The following WDR90 variants were observed in gnomAD, a reference collection of about 807,000 sequenced individuals.
WDR90 encodes the protein WD repeat-containing protein 90.
In WDR90, 238 loss-of-function variants were observed where a neutral mutation model predicts 195.2. The observed-to-expected ratio is 1.22, with a 90% CI of 1.10 to 1.36. The LOEUF is 1.36. Among genes scored for constraint, WDR90 ranks in the 40% most tolerant of loss-of-function variants. The probability of loss-of-function intolerance (pLI) is 0.00; values close to 1 mark genes in which losing one functional copy is unlikely to be tolerated. For missense variants in WDR90, 2,734 were observed against 2,439.5 expected, an observed-to-expected ratio of 1.12 and a Z score of -2.54; for synonymous variants, 1,265 against 1,052.4, an observed-to-expected ratio of 1.20 and a Z score of -3.91.
At chr16:658,135 G>A (rs370228432) in intron 21 of WDR90, 48 bp from the exon 22 acceptor site, 27 of 1,573,238 alleles carry the variant, frequency 1.7e-5, no homozygotes, top group Middle Eastern at 3.4e-4. Flanking sequence ...GGGTGGCACC[G>A]GCTCTGCCCA....
In WDR90 at chr16:659,316, C is replaced by T. The variant is rs772984645; in HGVS notation, c.3124C>T (p.Pro1042Ser). 1 of 1,599,900 alleles carries T rather than the reference C, an allele frequency of 6.3e-7. No homozygotes were observed. The highest frequency in any genetic ancestry group is 1.7e-5 in the Admixed American group (1 of 57,760). ...SELPRQQVPK[P>S]CQASPPRLGV... ...GCTCCCCCGGCAGCAGGTCCCCAAGCCATGTCAGGCATCTCCACCACGGCT... is the reference window on the plus strand; with the variant it reads ...GCTCCCCCGGCAGCAGGTCCCCAAGTCATGTCAGGCATCTCCACCACGGCT... Residue 1042 changes from proline to serine, a missense_variant, in exon 26 of 41, where the codon CCA becomes TCA. Pro to Ser is a moderately conservative substitution (Grantham distance 74). Transcript: ENST00000293879.
At chr16:659,999 G>A (rs1285159374) in intron 26 of WDR90, 59 bp from the exon 27 acceptor site, 10 of 1,274,276 alleles carry the variant, frequency 7.8e-6, no homozygotes, top group Non-Finnish European at 9.8e-6. Context: ...CGTGTAGTGT[G>A]GGGTCTCTGA....
At position 667,168 on chromosome 16, in the gene WDR90, A is replaced by G. The variant is rs561761056; in HGVS notation, c.5089+179A>G. Among the ~76,000 whole-genome samples the G allele has an allele frequency of 1.2e-4, 18 of 152,242 alleles. No individual in the cohort carries two copies. The Middle Eastern group carries it at 0.01, about 86-fold the overall frequency. On this transcript the variant is annotated intron_variant, in intron 40 of 40. Coordinates refer to ENST00000293879, the MANE Select transcript of WDR90 (RefSeq NM_145294.5). The stretch of plus-strand genomic sequence containing the variant: ...CAGGAGATGATGAGGCAGGTGAGGA[A>G]CCAGGCACAGCGCCCAGCACAGGGC...
At chr16:653,050 G>A (rs1364085460) in intron 10 of WDR90, among the ~76,000 whole-genome samples, 1 of 152,244 alleles carries the variant, frequency 6.6e-6, no homozygotes, top group Non-Finnish European at 1.5e-5. Flanking sequence ...CCACCCCGGA[G>A]TTTCTTGCAC....
At position 657,237 on chromosome 16, in the gene WDR90, G is replaced by A. The variant is rs1331250712; in HGVS notation, c.2473+16G>A. 6.5e-7 allele frequency: 1 copy of A among 1,534,594 alleles called. No individual in the cohort carries two copies. The highest frequency in any genetic ancestry group is 8.8e-7 in the Non-Finnish European group (1 of 1,138,152). On this transcript the variant is annotated intron_variant, in intron 20 of 40. Coordinates refer to ENST00000293879, the MANE Select transcript of WDR90 (RefSeq NM_145294.5). ...CGAGTGGCAGGTTGGGCCCCCTGCA[G>A]CCACTCTGGGGGACTCCTCAGGGCG...
rs1249473988 is a variant in WDR90 at position 656,384 on chromosome 16, C to G, written c.2049C>G (p.Gly683=). The part of the protein sequence containing the change: ...VLSATSSGHL[G]FLDTLSRVYH... The stretch of plus-strand genomic sequence containing the variant: ...CTGCCACCTCCTCGGGCCACCTGGG[C>G]TTCCTGGACACGCTGTCCCGGGTGT... The change falls in exon 18 of 41, where the codon GGC becomes GGG. Residue 683 remains glycine (G), a synonymous_variant. Coordinates refer to ENST00000293879, the MANE Select transcript of WDR90 (RefSeq NM_145294.5). 1.2e-6 allele frequency: 2 copies of G among 1,609,028 alleles called. No individual in the cohort carries two copies. The highest frequency in any genetic ancestry group is 1.3e-5 in the African/African-American group (1 of 74,856).
chr16:661,631 C>G lies in WDR90; in HGVS notation c.3708C>G (p.Gly1236=). ...ATGGCCGCACCCTCGCCCTGTGGGG[C>G]ACGGCCACCTATGACCTCGTGTCCT... is the stretch of plus-strand genomic sequence containing the variant. The part of the protein sequence containing the change: ...DHDGRTLALW[G]TATYDLVSST... The change falls in exon 31 of 41, where the codon GGC becomes GGG. Residue 1236 remains glycine (G), a synonymous_variant. Coordinates refer to ENST00000293879, the MANE Select transcript of WDR90 (RefSeq NM_145294.5). 1.2e-6 allele frequency: 2 copies of G among 1,603,388 alleles called. No homozygotes were observed. Among genetic ancestry groups the G allele is most frequent in the South Asian group, 2.2e-5 (2 of 89,946 alleles).
Position 661,805 on chromosome 16 carries a change from T to A in WDR90, c.3864+18T>A. 6.3e-7 allele frequency: 1 copy of A among 1,590,054 alleles called. No individual in the cohort carries two copies. The highest frequency in any genetic ancestry group is 8.6e-7 in the Non-Finnish European group (1 of 1,165,422). On this transcript the variant is annotated intron_variant, in intron 31 of 40. Transcript: ENST00000293879. Reference sequence around the variant, plus strand: ...GCCTTCAGGTGCCACCCGTTCAGCGTTTGGGCCCAGGGGTTGTTTTGTGGG... The same window carrying A: ...GCCTTCAGGTGCCACCCGTTCAGCGATTGGGCCCAGGGGTTGTTTTGTGGG...
Position 656,415 on chromosome 16 carries a change from A to T in WDR90, c.2080A>T (p.Met694Leu). 1 of 1,606,668 alleles carries T rather than the reference A, an allele frequency of 6.2e-7. No homozygotes were observed. Among genetic ancestry groups the T allele is most frequent in the African/African-American group, 1.3e-5 (1 of 74,894 alleles). Residue 694 changes from methionine (M) to leucine (L), a missense_variant, in exon 18 of 41, where the codon ATG becomes TTG. Transcript: ENST00000293879. ...GGACACGCTGTCCCGGGTGTACCAC[A>T]TGCTGGCTCGCTCCCACACCGCCCC... ...FLDTLSRVYHMLARSHTAPVL... is the reference protein window; with the variant it reads ...FLDTLSRVYHLLARSHTAPVL...
intron 30 of WDR90, 31 bp downstream of exon 30, chr16:661,532 C>A: frequency 1.3e-6 from 2 of 1,552,544 alleles, no homozygotes; most frequent in Non-Finnish European, 8.6e-7. Flanking sequence ...AGGCCAGGGG[C>A]TTCCCTAGAC....
In WDR90 at chr16:655,639, C is replaced by T; in HGVS notation, c.1785C>T (p.Ala595=). The T allele has an allele frequency of 6.2e-7, 1 of 1,607,542 alleles. No individual in the cohort carries two copies. Among genetic ancestry groups the T allele is most frequent in the Non-Finnish European group, 8.5e-7 (1 of 1,177,234 alleles). ...GTCAGCGCATGGTCGTGCGGCATGC[C>T]CGCCGCCTGCTCCCCACACGGACTC... The part of the protein sequence containing the change: ...IDCQRMVVRH[A]RRLLPTRTPG... The change falls in exon 16 of 41, where the codon GCC becomes GCT. Residue 595 remains alanine (A), a synonymous_variant. Coordinates refer to ENST00000293879, the MANE Select transcript of WDR90 (RefSeq NM_145294.5).
At position 667,581 on chromosome 16, in the gene WDR90, G is replaced by T. The variant is rs368843131; in HGVS notation, c.5239G>T (p.Gly1747Cys). 3.1e-6 allele frequency: 5 copies of T among 1,608,216 alleles called. No individual in the cohort carries two copies. Among genetic ancestry groups the T allele is most frequent in the East Asian group, 4.5e-5 (2 of 44,888 alleles). Residue 1747 changes from glycine (G) to cysteine (C), a missense_variant, in exon 41 of 41, where the codon GGC (glycine) becomes TGC (cysteine). Coordinates refer to ENST00000293879, the MANE Select transcript of WDR90 (RefSeq NM_145294.5). ...CGAGATCCTTGTGTGGGAGGTCCCCGGCCTCTGAGATGCAGCAGGGACTGT... is the reference window on the plus strand; with the variant it reads ...CGAGATCCTTGTGTGGGAGGTCCCCTGCCTCTGAGATGCAGCAGGGACTGT... ...RNEILVWEVP[G>C]L
rs1346648070 is a variant in WDR90 at position 662,759 on chromosome 16, T to G, written c.4226T>G (p.Val1409Gly). 6.2e-7 allele frequency: 1 copy of G among 1,606,994 alleles called. No individual in the cohort carries two copies. Among genetic ancestry groups the G allele is most frequent in the Admixed American group, 1.7e-5 (1 of 59,790 alleles). ...ASFDDSVDMGVVGTTAGTLWF... is the reference protein window; with the variant it reads ...ASFDDSVDMGGVGTTAGTLWF... The stretch of plus-strand genomic sequence containing the variant: ...TTCGATGACAGCGTGGACATGGGCG[T>G]CGTGGGCACCACGGCGGGCACGCTG... The change falls in exon 34 of 41, where the codon GTC (valine) becomes GGC (glycine). Residue 1409 changes from valine (V) to glycine (G), a missense_variant. Coordinates refer to ENST00000293879, the MANE Select transcript of WDR90 (RefSeq NM_145294.5).
chr16:658,011 G>T (rs916189752), intron 21 of WDR90, 119 bp downstream of exon 21: 2 of 1,453,316 alleles, frequency 1.4e-6, no homozygotes, highest in African/African-American at 1.4e-5. Context: ...GCCTCCTGTC[G>T]CAGAGTACAC....
At chr16:657,273 G>T in intron 20 of WDR90, 52 bp downstream of exon 20, 1 of 1,487,600 alleles carries the variant, frequency 6.7e-7, no homozygotes. Context: ...GGGGAGGCCT[G>T]GATCTGGTGC....
At chr16:667,031 G>A (rs1360836595) in intron 40 of WDR90, 42 bp downstream of exon 40, 2 of 1,547,956 alleles carry the variant, frequency 1.3e-6, no homozygotes, top group South Asian at 1.2e-5. Flanking sequence ...CTTAGGTGGG[G>A]GCCAAGTGGG....
intron 23 of WDR90, 41 bp downstream of exon 23, chr16:658,694 C>A: frequency 6.3e-7 from 1 of 1,593,114 alleles, no homozygotes; most frequent in Non-Finnish European, 8.6e-7. Context: ...CGGTCAGGAG[C>A]CTCCTCAGGT....
In WDR90 at chr16:658,306, G is replaced by A. The variant is rs746408479; in HGVS notation, c.2728G>A (p.Val910Met). ...LLVSTSSNRVVVLDAVSGRII... is the reference protein window; with the variant it reads ...LLVSTSSNRVMVLDAVSGRII... ...GGTGTCCACCTCGTCCAACAGAGTC[G>A]TGGTGCTGGATGCTGTGTCGGGCCG... Residue 910 changes from valine to methionine, a missense_variant, in exon 22 of 41, where the codon GTG (valine) becomes ATG (methionine). Val to Met is a conservative substitution (Grantham distance 21). Transcript: ENST00000293879. 9.3e-6 allele frequency: 15 copies of A among 1,612,578 alleles called. No individual in the cohort carries two copies. Among genetic ancestry groups the A allele is most frequent in the Middle Eastern group, 1.7e-4 (1 of 6,044 alleles).
chr16:666,358 A>C lies in WDR90; in HGVS notation c.4740+8A>C. 6.2e-7 allele frequency: 1 copy of C among 1,612,394 alleles called. No individual in the cohort carries two copies. The highest frequency in any genetic ancestry group is 1.1e-5 in the South Asian group (1 of 91,080). ...TGTGTCACGTGCAAAGAGGTAAAGCAGCCCCAAGAGCTGGGGAGAGGGGGC... is the reference window on the plus strand; with the variant it reads ...TGTGTCACGTGCAAAGAGGTAAAGCCGCCCCAAGAGCTGGGGAGAGGGGGC... On this transcript the variant is annotated splice_region_variant and intron_variant, in intron 37 of 40. Transcript: ENST00000293879.
Sources: gnomAD v4.1 joint callset for allele counts (sites outside exome capture counted in the v4.1 genomes callset) on GRCh38, gnomAD v4.1.1 for gene constraint, MANE v1.5 for transcripts, NCBI Gene and HGNC (gene_info 2026-07-23, HGNC 2026-07-21) for gene names.